Variants in FGF14 observed in about 807,000 individuals in gnomAD.
The protein encoded by FGF14 is fibroblast growth factor homologous factor 4.
A neutral mutation model predicts 25.5 loss-of-function variants in FGF14; 5 were observed. That is an observed-to-expected ratio of 0.20 (90% CI 0.10 to 0.41). FGF14 has a LOEUF of 0.41. Among genes scored for constraint, FGF14 ranks in the 10% least tolerant of loss-of-function variants. FGF14 has a pLI of 1.00. For synonymous variants in FGF14, 138 were observed against 118.3 expected (o/e 1.17, Z -1.08); for missense variants, 222 against 320.1 (o/e 0.69, Z 2.34).
intron 3 of FGF14, among the ~76,000 whole-genome samples, chr13:101,800,744 T>G (rs968860775): frequency 1.3e-5 from 2 of 152,206 alleles, no homozygotes; most frequent in Non-Finnish European, 2.9e-5. Flanking sequence ...CATTTTCACC[T>G]TGTTCTAGGG....
intron 1 of FGF14, among the ~76,000 whole-genome samples, chr13:101,939,606 T>G (rs2035313608): frequency 6.6e-6 from 1 of 152,182 alleles, no homozygotes; most frequent in Non-Finnish European, 1.5e-5. Flanking sequence ...GTTATTAGAT[T>G]TGCATCTTGA....
At chr13:101,726,185 T>C (rs2035414351) in intron 4 of FGF14, among the ~76,000 whole-genome samples, 1 of 152,100 alleles carries the variant, frequency 6.6e-6, no homozygotes, top group Non-Finnish European at 1.5e-5. Flanking sequence ...ACCTAGATAA[T>C]ATCAAAATGG....
chr13:101,806,253 C>A (rs1397964542), intron 3 of FGF14, among the ~76,000 whole-genome samples: 1 of 151,706 alleles, frequency 6.6e-6, no homozygotes, highest in East Asian at 1.9e-4. Context: ...AACCCAGTCT[C>A]TACTAAAAAT....
intron 1 of FGF14, among the ~76,000 whole-genome samples, chr13:101,960,207 CTTAA>C (rs1330988308): frequency 3.3e-5 from 5 of 152,176 alleles, no homozygotes; most frequent in Non-Finnish European, 7.4e-5. Flanking sequence ...TGTCTCCTTT[CTTAA>C]TTAAGTTCTG....
At chr13:102,050,316 G>A (rs1365357709) in intron 1 of FGF14, among the ~76,000 whole-genome samples, 1 of 152,146 alleles carries the variant, frequency 6.6e-6, no homozygotes, top group African/African-American at 2.4e-5. Context: ...CTTGGGGGAT[G>A]GGGAAGCTCT....
At chr13:101,891,737 T>C (rs989547177) in intron 1 of FGF14, among the ~76,000 whole-genome samples, 2 of 152,092 alleles carry the variant, frequency 1.3e-5, no homozygotes, top group African/African-American at 4.8e-5. Context: ...CATATATAAA[T>C]ATACATATAA....
At chr13:101,876,366 G>A (rs1219032491) in intron 1 of FGF14, among the ~76,000 whole-genome samples, 4 of 152,276 alleles carry the variant, frequency 2.6e-5, no homozygotes, top group Middle Eastern at 3.4e-3. Context: ...CGAAACAGTC[G>A]GACGTTACTG....
At chr13:101,929,709 T>C (rs1316362418) in intron 1 of FGF14, among the ~76,000 whole-genome samples, 1 of 152,226 alleles carries the variant, frequency 6.6e-6, no homozygotes, top group Non-Finnish European at 1.5e-5. Context: ...CATCTTTATT[T>C]ATATGTGTTA....
intron 1 of FGF14, chr13:102,293,522 A>G (rs1042320671): frequency 1.3e-5 from 2 of 152,176 alleles, no homozygotes. Flanking sequence ...TGTTGACAGT[A>G]TTGCTTATTT....
At chr13:101,814,401 A>C (rs1448928762) in intron 3 of FGF14, among the ~76,000 whole-genome samples, 1 of 152,258 alleles carries the variant, frequency 6.6e-6, no homozygotes, top group Non-Finnish European at 1.5e-5. Flanking sequence ...GACCTTAAAA[A>C]TGTATCTTCA....
intron 1 of FGF14, among the ~76,000 whole-genome samples, chr13:102,021,137 G>A (rs187609640): frequency 1.3e-5 from 2 of 152,082 alleles, no homozygotes; most frequent in Admixed American, 6.6e-5. Flanking sequence ...ACAGAAGGCC[G>A]AGAGTAAAGG....
intron 1 of FGF14, among the ~76,000 whole-genome samples, chr13:102,232,942 A>G (rs1381305417): frequency 6.6e-6 from 1 of 152,138 alleles, no homozygotes; most frequent in Non-Finnish European, 1.5e-5. Context: ...TGCTGGTCCA[A>G]AAGGAGTGTC....
At chr13:102,023,061 C>CACACAA (rs2040748552) in intron 1 of FGF14, among the ~76,000 whole-genome samples, 1 of 151,464 alleles carries the variant, frequency 6.6e-6, no homozygotes, top group African/African-American at 2.4e-5. Flanking sequence ...CACACACACA[C>CACACAA]ACACACACAC....
intron 1 of FGF14, among the ~76,000 whole-genome samples, chr13:101,882,184 T>C (rs1360116656): frequency 6.6e-6 from 1 of 152,108 alleles, no homozygotes; most frequent in Admixed American, 6.6e-5. Context: ...AGAAATAGGA[T>C]TCCCTAAATT....
chr13:102,212,060 A>AT (rs1484928794), intron 1 of FGF14, among the ~76,000 whole-genome samples: 3 of 152,078 alleles, frequency 2.0e-5, no homozygotes, highest in Admixed American at 6.5e-5. Flanking sequence ...GTTTTCTCTC[A>AT]TTAGAGGACG....
chr13:102,386,399 TG>T (rs1266065714), intron 1 of FGF14, among the ~76,000 whole-genome samples: 1 of 152,176 alleles, frequency 6.6e-6, no homozygotes, highest in East Asian at 1.9e-4. Context: ...CCCAAAGTGC[TG>T]GGATTACAGG....
At chr13:101,943,826 A>AATATATATATATATAT (rs1206422692) in intron 1 of FGF14, among the ~76,000 whole-genome samples, 97 of 126,782 alleles carry the variant, frequency 7.7e-4, no homozygotes, top group African/African-American at 3.1e-3. Flanking sequence ...AAAAAAAAAA[A>AATATATATATATATAT]ATATATATAT....
At chr13:101,765,975 C>T (rs951791966) in intron 3 of FGF14, among the ~76,000 whole-genome samples, 3 of 152,102 alleles carry the variant, frequency 2.0e-5, no homozygotes, top group Admixed American at 6.5e-5. Context: ...GTGATCTGCC[C>T]ACCTTGGCCT....
intron 1 of FGF14, among the ~76,000 whole-genome samples, chr13:101,980,405 A>G (rs979656310): frequency 2.6e-5 from 4 of 152,106 alleles, no homozygotes; most frequent in African/African-American, 4.8e-5. Context: ...TGTTTTTAAA[A>G]GTCTCTGCAT....
Sources: allele counts gnomAD v4.1 joint callset (sites outside exome capture counted in the v4.1 genomes callset), GRCh38; gene constraint gnomAD v4.1.1; transcripts MANE v1.5; gene names NCBI Gene and HGNC (gene_info 2026-07-23, HGNC 2026-07-21).